The following RBFOX1 variants were observed in gnomAD, a reference collection of about 807,000 sequenced individuals.
RBFOX1 encodes RNA binding fox-1 homolog 1, also known as RNA binding protein fox-1 homolog 1.
In RBFOX1, 8 loss-of-function variants were observed where a neutral mutation model predicts 57.7. That is an observed-to-expected ratio of 0.14 (90% CI 0.08 to 0.25). RBFOX1 has a LOEUF of 0.25. RBFOX1 is among the 10% of genes least tolerant of loss of function. The probability of loss-of-function intolerance (pLI) is 1.00; values close to 1 mark genes in which losing one functional copy is unlikely to be tolerated. For synonymous variants in RBFOX1, 326 were observed against 222.4 expected, an observed-to-expected ratio of 1.47 and a Z score of -4.15; for missense variants, 611 against 548.5, an observed-to-expected ratio of 1.11 and a Z score of -1.14.
chr16:6,637,101 A>ATAATATATAAATT lies in RBFOX1; in HGVS notation c.-63-17500_-63-17499insATATATAAATTTA, dbSNP rs1328206168. On this transcript the variant is annotated intron_variant, in intron 2 of 15. Transcript: ENST00000550418. The stretch of plus-strand genomic sequence containing the variant: ...AATATATATAATACATATTAAATAT[A>ATAATATATAAATT]TATATTATATAATATATAAATTTAT... Among the ~76,000 whole-genome samples the ATAATATATAAATT allele has an allele frequency of 5.0e-5, 2 of 40,104 alleles. 1 individual carries two copies. The highest frequency in any genetic ancestry group is 1.1e-4 in the African/African-American group (2 of 17,458). 26.3% of individuals were successfully genotyped at this position (40,104 alleles called of 152,430 possible).
intron 4 of RBFOX1, among the ~76,000 whole-genome samples, chr16:7,387,062 T>C (rs962014222): frequency 1.3e-5 from 2 of 152,178 alleles, no homozygotes; most frequent in African/African-American, 4.8e-5. Flanking sequence ...TTTGCCCACT[T>C]TTTGATGGGG....
intron 2 of RBFOX1, among the ~76,000 whole-genome samples, chr16:6,620,207 C>T (rs1186724429): frequency 2.0e-5 from 3 of 152,134 alleles, no homozygotes; most frequent in Non-Finnish European, 2.9e-5. Flanking sequence ...CAAAACCATA[C>T]AGTTACATGG....
chr16:7,256,275 C>A (rs2094679317), intron 4 of RBFOX1, among the ~76,000 whole-genome samples: 1 of 152,268 alleles, frequency 6.6e-6, no homozygotes, highest in African/African-American at 2.4e-5. Flanking sequence ...CTCTGGGGTT[C>A]TGATGAGGGG....
chr16:6,462,037 A>T (rs2094932248), intron 2 of RBFOX1, among the ~76,000 whole-genome samples: 1 of 152,266 alleles, frequency 6.6e-6, no homozygotes, highest in African/African-American at 2.4e-5. Flanking sequence ...GGTCATGATT[A>T]CCTTTCCCTT....
intron 3 of RBFOX1, among the ~76,000 whole-genome samples, chr16:7,050,869 A>C (rs534388734): frequency 6.6e-6 from 1 of 152,134 alleles, no homozygotes; most frequent in South Asian, 2.1e-4. Flanking sequence ...TTTTTTTAAG[A>C]GCTAATCTTA....
chr16:5,960,196 G>C (rs1405911459), intron 4 of RBFOX1, among the ~76,000 whole-genome samples: 1 of 152,158 alleles, frequency 6.6e-6, no homozygotes, highest in Non-Finnish European at 1.5e-5. Context: ...GTGAGACTCT[G>C]TCTCAAGAAG....
chr16:6,513,325 C>T (rs940971949), intron 2 of RBFOX1, among the ~76,000 whole-genome samples: 25 of 152,326 alleles, frequency 1.6e-4, no homozygotes, highest in African/African-American at 6.0e-4. Flanking sequence ...GTCAGCTTCT[C>T]CTCCTTGTTG....
chr16:6,249,777 T>C (rs962711714), intron 1 of RBFOX1, among the ~76,000 whole-genome samples: 1 of 151,038 alleles, frequency 6.6e-6, no homozygotes, highest in African/African-American at 2.4e-5. Flanking sequence ...TTTTTCTTTT[T>C]TTTTTTTTTT....
At chr16:5,477,172 A>G (rs1052999572) in intron 2 of RBFOX1, among the ~76,000 whole-genome samples, 10 of 152,142 alleles carry the variant, frequency 6.6e-5, no homozygotes, top group African/African-American at 2.4e-4. Flanking sequence ...ATGCCACTAC[A>G]TCCAGCTAAT....
chr16:6,295,289 A>G (rs1224607994), intron 1 of RBFOX1, among the ~76,000 whole-genome samples: 1 of 151,884 alleles, frequency 6.6e-6, no homozygotes, highest in Non-Finnish European at 1.5e-5. Flanking sequence ...ACACCCAGCA[A>G]ATTGTTTTGT....
chr16:7,366,169 A>G (rs17143492), intron 4 of RBFOX1, among the ~76,000 whole-genome samples: 25,704 of 152,176 alleles, frequency 0.17, 3,376 homozygotes, highest in African/African-American at 0.37. Context: ...CTTTCCCAGC[A>G]AGACCAGGAT....
At chr16:7,586,787 T>A (rs1283411029) in intron 6 of RBFOX1, among the ~76,000 whole-genome samples, 1 of 152,208 alleles carries the variant, frequency 6.6e-6, no homozygotes, top group African/African-American at 2.4e-5. Flanking sequence ...CTTGCTCATA[T>A]GATAGAGCTG....
chr16:6,135,022 T>A (rs561801174), intron 1 of RBFOX1, among the ~76,000 whole-genome samples: 1 of 146,644 alleles, frequency 6.8e-6, no homozygotes, highest in Admixed American at 6.8e-5. Flanking sequence ...CAGGCCCCGG[T>A]GTATGATGTT....
chr16:7,418,389 C>T (rs1048220622), intron 4 of RBFOX1, among the ~76,000 whole-genome samples: 13 of 152,180 alleles, frequency 8.5e-5, no homozygotes, highest in Admixed American at 2.0e-4. Context: ...TGATACTTGC[C>T]CATGTCCCAT....
intron 4 of RBFOX1, among the ~76,000 whole-genome samples, chr16:5,940,597 C>T (rs138004440): frequency 2.0e-5 from 3 of 152,286 alleles, no homozygotes; most frequent in Admixed American, 2.0e-4. Flanking sequence ...TCAATCAGGG[C>T]TCTCAGAACA....
At chr16:6,938,053 A>G (rs918820534) in intron 3 of RBFOX1, among the ~76,000 whole-genome samples, 4 of 151,840 alleles carry the variant, frequency 2.6e-5, no homozygotes, top group South Asian at 2.1e-4. Context: ...TAATTGTGAT[A>G]TGGATATCCC....
At chr16:7,395,766 A>G (rs2098129699) in intron 4 of RBFOX1, among the ~76,000 whole-genome samples, 2 of 152,236 alleles carry the variant, frequency 1.3e-5, no homozygotes, top group Admixed American at 6.5e-5. Flanking sequence ...ATCTGCAATA[A>G]GTTATGAATT....
intron 14 of RBFOX1, among the ~76,000 whole-genome samples, chr16:7,706,793 A>T (rs1018833112): frequency 2.0e-5 from 3 of 152,214 alleles, no homozygotes; most frequent in African/African-American, 7.2e-5. Context: ...TCCCTCATGA[A>T]ATAAAGAGCA....
At chr16:7,028,949 G>T (rs1235409797) in intron 3 of RBFOX1, among the ~76,000 whole-genome samples, 5 of 148,868 alleles carry the variant, frequency 3.4e-5, no homozygotes, top group Non-Finnish European at 7.4e-5. Context: ...AAGTTTAAAT[G>T]ACCATAGCAG....
Sources: gnomAD v4.1 joint callset for allele counts (sites outside exome capture counted in the v4.1 genomes callset) on GRCh38, gnomAD v4.1.1 for gene constraint, MANE v1.5 for transcripts, NCBI Gene and HGNC (gene_info 2026-07-23, HGNC 2026-07-21) for gene names.